HOOK3: variants seen among roughly 807,000 people sequenced by gnomAD.
HOOK3 encodes protein Hook homolog 3.
In HOOK3, 24 loss-of-function variants were observed where a neutral mutation model predicts 116.3. The observed-to-expected ratio is 0.21, with a 90% confidence interval of 0.15 to 0.29. HOOK3 has a LOEUF of 0.29. Ranked by LOEUF, HOOK3 falls within the 10% of genes least tolerant of loss-of-function variation. The pLI, the probability that HOOK3 is intolerant of heterozygous loss-of-function variation, is 1.00. For synonymous variants in HOOK3, 275 were observed against 283.0 expected (o/e 0.97, Z 0.28); for missense variants, 632 against 830.2 (o/e 0.76, Z 2.93).
intron 11 of HOOK3, among the ~76,000 whole-genome samples, chr8:42,971,548 C>T (rs747433286): frequency 1.3e-5 from 2 of 152,086 alleles, no homozygotes; most frequent in South Asian, 4.1e-4. Flanking sequence ...GGATTACAGG[C>T]GTGAGCCACT....
At chr8:42,988,132 TC>T (rs1181214113) in intron 15 of HOOK3, among the ~76,000 whole-genome samples, 1 of 152,162 alleles carries the variant, frequency 6.6e-6, no homozygotes, top group Non-Finnish European at 1.5e-5. Flanking sequence ...AAGAGCACCA[TC>T]AAGCATAAAC....
intron 19 of HOOK3, among the ~76,000 whole-genome samples, chr8:43,012,139 G>A (rs1158561267): frequency 2.6e-5 from 4 of 152,208 alleles, no homozygotes; most frequent in South Asian, 2.1e-4. Flanking sequence ...AGTAGTGTCC[G>A]CTGTACAGAC....
At position 42,982,651 on chromosome 8, in the gene HOOK3, A is replaced by C; in HGVS notation, c.1346A>C (p.Glu449Ala). Reference protein sequence around the residue: ...TQGLMPLGSQESSDSLAAEIV... With the variant: ...TQGLMPLGSQASSDSLAAEIV... ...GGGTTAATGCCTCTTGGAAGTCAGG[A>C]GTCTTCAGACAGTCTAGCTGCAGAG... The change falls in exon 14 of 22, where the codon GAG (glutamate) becomes GCG (alanine). Residue 449 changes from glutamate (E) to alanine (A), a missense_variant. Transcript: ENST00000307602. 1 of 1,612,452 alleles carries C rather than the reference A, an allele frequency of 6.2e-7. No homozygotes were observed.
At chr8:42,992,266 G>A (rs1809178046) in intron 15 of HOOK3, among the ~76,000 whole-genome samples, 1 of 150,636 alleles carries the variant, frequency 6.6e-6, no homozygotes, top group Admixed American at 6.6e-5. Flanking sequence ...TAGGCGTGGT[G>A]GTGAGCGCCT....
intron 2 of HOOK3, among the ~76,000 whole-genome samples, chr8:42,914,554 T>A (rs957674502): frequency 6.6e-6 from 1 of 152,244 alleles, no homozygotes; most frequent in Admixed American, 6.5e-5. Flanking sequence ...GACTTCAATA[T>A]GGCCCTTCAC....
At chr8:43,008,176 G>A (rs558740804) in intron 18 of HOOK3, among the ~76,000 whole-genome samples, 178 of 151,860 alleles carry the variant, frequency 1.2e-3, no homozygotes, top group African/African-American at 4.2e-3. Context: ...CCGCCACTAC[G>A]CCCGGCTAAT....
chr8:43,028,007 T>C lies in HOOK3; in HGVS notation c.*9509T>C, dbSNP rs1809965218. ...ATACTTAGAGAAAGTTTTTCTGTTA[T>C]AAAAATTAATACTAATCCTTTTTAA... On this transcript the variant is annotated 3_prime_UTR_variant, in exon 22 of 22. Transcript: ENST00000307602. 5.2e-6 allele frequency: 1 copy of C among 193,040 alleles called. No individual in the cohort carries two copies. The highest frequency in any genetic ancestry group is 1.1e-5 in the Non-Finnish European group (1 of 92,486). 12.0% of individuals were successfully genotyped at this position (193,040 alleles called of 1,614,324 possible).
intron 19 of HOOK3, among the ~76,000 whole-genome samples, chr8:43,010,964 T>A (rs1809594043): frequency 6.6e-6 from 1 of 151,800 alleles, no homozygotes; most frequent in South Asian, 2.1e-4. Flanking sequence ...CATTCATCTC[T>A]GAGTCCTGGA....
At chr8:43,017,091 C>T (rs984813581) in intron 21 of HOOK3, among the ~76,000 whole-genome samples, 2 of 152,214 alleles carry the variant, frequency 1.3e-5, no homozygotes, top group Non-Finnish European at 2.9e-5. Context: ...TTCCAGCCTT[C>T]TGTCTTCTGC....
At chr8:42,957,400 G>C (rs910949962) in intron 7 of HOOK3, among the ~76,000 whole-genome samples, 12 of 152,038 alleles carry the variant, frequency 7.9e-5, no homozygotes, top group Non-Finnish European at 1.5e-4. Flanking sequence ...TTTGAAATAG[G>C]TTAATTTTTT....
At chr8:42,959,043 A>G (rs1350463346) in intron 7 of HOOK3, among the ~76,000 whole-genome samples, 188 bp from the exon 8 acceptor site, 2 of 152,168 alleles carry the variant, frequency 1.3e-5, no homozygotes, top group Non-Finnish European at 2.9e-5. Context: ...CAAGACTTAG[A>G]GTAAAAGAAA....
At chr8:42,991,935 A>G (rs1809169851) in intron 15 of HOOK3, among the ~76,000 whole-genome samples, 1 of 152,132 alleles carries the variant, frequency 6.6e-6, no homozygotes, top group African/African-American at 2.4e-5. Flanking sequence ...AACATAGAAT[A>G]TCTTTCCATT....
intron 8 of HOOK3, among the ~76,000 whole-genome samples, chr8:42,962,283 TAGAAATGG>T (rs1808547828): frequency 7.0e-6 from 1 of 142,854 alleles, no homozygotes. Flanking sequence ...TTTTTTTTGG[TAGAAATGG>T]GGTCTTGTTA....
chr8:42,906,161 T>C lies in HOOK3; in HGVS notation c.58-12T>C. On this transcript the variant is annotated splice_polypyrimidine_tract_variant and intron_variant, in intron 1 of 21. Transcript: ENST00000307602. The stretch of plus-strand genomic sequence containing the variant: ...CAGAATCTCTCCCCCCCCCCTCTTT[T>C]TTTCCCTTCAGATCCAGACATTTAA... 1 of 747,436 alleles carries C rather than the reference T, an allele frequency of 1.3e-6. No individual in the cohort carries two copies. Among genetic ancestry groups the C allele is most frequent in the Non-Finnish European group, 2.2e-6 (1 of 458,614 alleles). 46.3% of individuals were successfully genotyped at this position (747,436 alleles called of 1,614,324 possible). A position where few individuals can be genotyped will look rare whatever the true frequency, so the allele number is the denominator to read the frequency against.
intron 2 of HOOK3, among the ~76,000 whole-genome samples, chr8:42,912,731 C>T (rs1435179647): frequency 6.6e-6 from 1 of 152,158 alleles, no homozygotes; most frequent in African/African-American, 2.4e-5. Context: ...ATATTTGTTA[C>T]AATAGATAAA....
chr8:42,997,830 G>T lies in HOOK3; in HGVS notation c.1620+193G>T, dbSNP rs553548720. 25 of 480,522 alleles carry T rather than the reference G, an allele frequency of 5.2e-5. No homozygotes were observed. The East Asian group carries it at 9.4e-4, about 18-fold the overall frequency. 29.8% of individuals were successfully genotyped at this position (480,522 alleles called of 1,614,324 possible). A position where few individuals can be genotyped will look rare whatever the true frequency, so the allele number is the denominator to read the frequency against. ...AGTACTTTATTGTCTCTTCAGATTC[G>T]CTCTGCTGGGAATTAGAAGTTCATT... On this transcript the variant is annotated intron_variant, in intron 16 of 21. Transcript: ENST00000307602.
intron 12 of HOOK3, 74 bp downstream of exon 12, chr8:42,973,473 G>A (rs1318934235): frequency 9.0e-6 from 8 of 886,228 alleles, no homozygotes; most frequent in Admixed American, 8.3e-5. Context: ...TTCATGTTTG[G>A]CCACATTCAT....
chr8:42,974,167 G>A lies in HOOK3; in HGVS notation c.1294G>A (p.Ala432Thr), dbSNP rs781400114. 1 of 1,613,822 alleles carries A rather than the reference G, an allele frequency of 6.2e-7. No homozygotes were observed. Among genetic ancestry groups the A allele is most frequent in the Admixed American group, 1.7e-5 (1 of 60,022 alleles). ...CATTGAAGAGCTTCGTTGTGTACAA[G>A]CTCAAGAAGGGCAGCTCACAACACA... ...ETIEELRCVQ[A>T]QEGQLTTQGL... Residue 432 changes from alanine (A) to threonine (T), a missense_variant, in exon 13 of 22, where the codon GCT becomes ACT. Physicochemically the swap from Ala to Thr is moderately conservative, Grantham distance 58. Coordinates refer to ENST00000307602, the MANE Select transcript of HOOK3 (RefSeq NM_032410.4).
chr8:43,010,204 A>C (rs1436264146), intron 18 of HOOK3, 101 bp from the exon 19 acceptor site: 1 of 218,948 alleles, frequency 4.6e-6, no homozygotes, highest in Admixed American at 6.2e-5. Flanking sequence ...AGTCAATTAA[A>C]ATATTTTTAA....
Sources: gnomAD v4.1 joint callset for allele counts (sites outside exome capture counted in the v4.1 genomes callset) on GRCh38, gnomAD v4.1.1 for gene constraint, MANE v1.5 for transcripts, NCBI Gene and HGNC (gene_info 2026-07-23, HGNC 2026-07-21) for gene names.